The following SMIM35 variants were observed in gnomAD, a reference collection of about 807,000 sequenced individuals.
SMIM35 encodes the protein TMPRSS4 antisense RNA 1 (non-protein coding).
In SMIM35 at chr11:118,027,184, C is replaced by T. The variant is rs1201041588; in HGVS notation, c.8-11375G>A. 4.2e-5 allele frequency among the ~76,000 whole-genome samples: 6 copies of T among 143,004 alleles called. 1 individual carries two copies. Among genetic ancestry groups the T allele is most frequent in the Non-Finnish European group, 9.1e-5 (6 of 66,238 alleles). The allele number at this position is 143,004 out of a possible 152,430, so 93.8% of individuals were successfully genotyped here. A position where few individuals can be genotyped will look rare whatever the true frequency, so the allele number is the denominator to read the frequency against. ...CTGGGACTACAGGCGCCCGCCACTG[C>T]GCCCGGCTAATTTTTTGTATTTTCA... is the stretch of plus-strand genomic sequence containing the variant. On this transcript the variant is annotated intron_variant, in intron 1 of 4. Transcript: ENST00000689828.
At chr11:118,065,394 A>C (rs1028809921) in intron 1 of SMIM35, among the ~76,000 whole-genome samples, 2 of 152,244 alleles carry the variant, frequency 1.3e-5, no homozygotes, top group African/African-American at 4.8e-5. Context: ...AGGCAGGAGA[A>C]TAGGGCCTGG....
intron 1 of SMIM35, among the ~76,000 whole-genome samples, chr11:118,066,616 G>C (rs1944478273): frequency 6.6e-6 from 1 of 151,978 alleles, no homozygotes; most frequent in African/African-American, 2.4e-5. Context: ...AATATCTGAA[G>C]GCATAATACA....
chr11:118,060,607 G>C (rs1944379689), intron 1 of SMIM35, among the ~76,000 whole-genome samples: 1 of 152,148 alleles, frequency 6.6e-6, no homozygotes, highest in Non-Finnish European at 1.5e-5. Flanking sequence ...CTTTCTTCTA[G>C]GCTTAGCATC....
rs554981480 is a variant in SMIM35, at chr11:118,018,197, G to A, written c.8-2388C>T. ...GGCAGCAGGAGAGGAGGTACCAGGAGCCAAATAATGTAGTGCTCTGAAGAC... is the reference window on the plus strand; with the variant it reads ...GGCAGCAGGAGAGGAGGTACCAGGAACCAAATAATGTAGTGCTCTGAAGAC... On this transcript the variant is annotated intron_variant, in intron 1 of 4. Transcript: ENST00000689828. Among the ~76,000 whole-genome samples the A allele has an allele frequency of 1.1e-4, 17 of 152,318 alleles. 1 individual carries two copies. In the South Asian group the frequency reaches 2.7e-3, roughly 24 times the overall value.
chr11:118,028,460 G>C (rs1320671501), intron 1 of SMIM35, among the ~76,000 whole-genome samples: 1 of 152,092 alleles, frequency 6.6e-6, no homozygotes, highest in Admixed American at 6.5e-5. Context: ...CTCTCCCTTA[G>C]AGATTTTGTG....
chr11:118,066,751 G>A (rs1188959194), intron 1 of SMIM35, among the ~76,000 whole-genome samples: 1 of 151,678 alleles, frequency 6.6e-6, no homozygotes, highest in Non-Finnish European at 1.5e-5. Context: ...CTTGAACTGA[G>A]GAGATCAAGA....
rs570176092 is a variant in SMIM35, at chr11:118,004,947, G to C, written c.*1463C>G. ...ACAGACTAGTACATGATCTGCAAAG[G>C]CCTGGGTGTAGGGTGCCACACCTGT... is the stretch of plus-strand genomic sequence containing the variant. On this transcript the variant is annotated 3_prime_UTR_variant, in exon 5 of 5. Transcript: ENST00000689828. The C allele has an allele frequency of 6.6e-6, 1 of 152,332 alleles. No individual in the cohort carries two copies. The highest frequency in any genetic ancestry group is 1.5e-5 in the Non-Finnish European group (1 of 68,160). The allele number at this position is 152,332 out of a possible 1,614,324, so 9.4% of individuals were successfully genotyped here. A position where few individuals can be genotyped will look rare whatever the true frequency, so the allele number is the denominator to read the frequency against.
chr11:118,007,440 G>A (rs2058127823), intron 4 of SMIM35, among the ~76,000 whole-genome samples: 1 of 152,130 alleles, frequency 6.6e-6, no homozygotes, highest in Non-Finnish European at 1.5e-5. Context: ...TCTGTTGCCA[G>A]GCTGGAGTGC....
intron 1 of SMIM35, among the ~76,000 whole-genome samples, chr11:118,017,057 A>G (rs1409558103): frequency 6.6e-6 from 1 of 152,198 alleles, no homozygotes; most frequent in African/African-American, 2.4e-5. Flanking sequence ...GTTTTAAGTT[A>G]CAAAAACCCA....
intron 4 of SMIM35, among the ~76,000 whole-genome samples, chr11:118,007,240 C>T (rs1273141828): frequency 1.3e-5 from 2 of 152,096 alleles, no homozygotes; most frequent in Non-Finnish European, 2.9e-5. Flanking sequence ...AGGATTATTC[C>T]GAGTTACCTG....
At chr11:118,053,183 C>T (rs1944247736) in intron 1 of SMIM35, among the ~76,000 whole-genome samples, 1 of 152,164 alleles carries the variant, frequency 6.6e-6, no homozygotes, top group African/African-American at 2.4e-5. Context: ...GGCAGGGCGC[C>T]TATAATCCCA....
At chr11:118,075,524 AGT>A (rs1349020338) in intron 1 of SMIM35, among the ~76,000 whole-genome samples, 1 of 152,364 alleles carries the variant, frequency 6.6e-6, no homozygotes. Context: ...CAAGCCTGGC[AGT>A]GTGAACCAGT....
In SMIM35 at chr11:118,051,825, GATACTAATACTAATACTA is replaced by G. The variant is rs57139857; in HGVS notation, c.7+34908_7+34925del. On this transcript the variant is annotated intron_variant, in intron 1 of 4. Coordinates refer to ENST00000689828, the MANE Select transcript of SMIM35 (RefSeq NM_001394165.1). ...CAGCAGGGCAATCTTAGTTTAGGTT[GATACTAATACTAATACTA>G]ATACTAATACTAATACTAATACTAT... 5.4e-4 allele frequency among the ~76,000 whole-genome samples: 81 copies of G among 149,522 alleles called. 1 individual carries two copies. The East Asian group carries it at 0.013, about 24-fold the overall frequency.
intron 1 of SMIM35, among the ~76,000 whole-genome samples, chr11:118,066,347 AC>A: frequency 6.6e-6 from 1 of 151,868 alleles, no homozygotes; most frequent in South Asian, 2.1e-4. Context: ...CTCATCTCTC[AC>A]CTGGACCGCT....
At chr11:118,009,973 G>T (rs2508448) in intron 4 of SMIM35, among the ~76,000 whole-genome samples, 19,174 of 152,166 alleles carry the variant, frequency 0.13, 1,269 homozygotes, top group Admixed American at 0.15. Context: ...ACTCTGCTCA[G>T]CTCTGGTGCA....
chr11:118,037,843 G>A (rs1943930610), intron 1 of SMIM35, among the ~76,000 whole-genome samples: 1 of 152,176 alleles, frequency 6.6e-6, no homozygotes, highest in African/African-American at 2.4e-5. Flanking sequence ...TGTTGCCTCT[G>A]CTCCTTTCAT....
chr11:118,072,848 A>T (rs1243277524), intron 1 of SMIM35, among the ~76,000 whole-genome samples: 3 of 152,266 alleles, frequency 2.0e-5, no homozygotes, highest in Admixed American at 6.5e-5. Context: ...TTGTGAAATG[A>T]ATGGGGATAA....
chr11:118,057,033 G>A (rs1944324075), intron 1 of SMIM35, among the ~76,000 whole-genome samples: 1 of 152,186 alleles, frequency 6.6e-6, no homozygotes, highest in Non-Finnish European at 1.5e-5. Flanking sequence ...TGAGTGGTGA[G>A]GGGAAGGAAG....
intron 1 of SMIM35, among the ~76,000 whole-genome samples, chr11:118,063,479 TC>T (rs1358764245): frequency 6.6e-6 from 1 of 152,234 alleles, no homozygotes; most frequent in African/African-American, 2.4e-5. Flanking sequence ...ATATATTTGG[TC>T]CTCAGCCCCA....
Sources: gnomAD v4.1 joint callset for allele counts (sites outside exome capture counted in the v4.1 genomes callset) on GRCh38, gnomAD v4.1.1 for gene constraint, MANE v1.5 for transcripts, NCBI Gene and HGNC (gene_info 2026-07-23, HGNC 2026-07-21) for gene names.